ANKIB1: variants seen among roughly 807,000 people sequenced by gnomAD.
ANKIB1 encodes ankyrin repeat and IBR domain-containing protein 1.
ANKIB1 carries 43 observed loss-of-function variants against 122.1 expected under a neutral mutation model. That is an observed-to-expected ratio of 0.35 (90% CI 0.28 to 0.45). The LOEUF is 0.45. Among genes scored for constraint, ANKIB1 ranks in the 20% least tolerant of loss-of-function variants. The pLI, the probability that ANKIB1 is intolerant of heterozygous loss-of-function variation, is 1.00. For missense variants in ANKIB1, 992 were observed against 1,329.5 expected (o/e 0.75, Z 3.95); for synonymous variants, 390 against 442.0 (o/e 0.88, Z 1.48).
chr7:92,352,527 G>GA lies in ANKIB1; in HGVS notation c.1283dup (p.Asp428GlufsTer17). The GA allele has an allele frequency of 6.2e-7, 1 of 1,613,870 alleles. No individual in the cohort carries two copies. Among genetic ancestry groups the GA allele is most frequent in the Non-Finnish European group, 8.5e-7 (1 of 1,179,840 alleles). On this transcript the variant is annotated frameshift_variant, in exon 9 of 20. Transcript: ENST00000265742. LOFTEE classifies it high-confidence loss of function. ...TAAATGGTGTCCTACTCCAGGCTGT[G>GA]ACAGAGCAGTAAGACTAACGAAACA... is the stretch of plus-strand genomic sequence containing the variant.
chr7:92,293,103 C>G (rs1244073842), intron 1 of ANKIB1, among the ~76,000 whole-genome samples: 1 of 152,194 alleles, frequency 6.6e-6, no homozygotes, highest in Admixed American at 6.5e-5. Flanking sequence ...AGACATCTTA[C>G]TCTGATACTT....
Position 92,398,935 on chromosome 7 carries a change from G to A in ANKIB1, c.3256G>A (p.Val1086Ile). 6.3e-7 allele frequency: 1 copy of A among 1,578,606 alleles called. No homozygotes were observed. Among genetic ancestry groups the A allele is most frequent in the South Asian group, 1.2e-5 (1 of 83,528 alleles). Residue 1086 changes from valine (V) to isoleucine (I), a missense_variant, in exon 20 of 20, where the codon GTA becomes ATA. By Grantham distance (29) the Val-to-Ile change is conservative. Around this residue, in one of 4 missense-constraint regions of ANKIB1, gnomAD observed 384 missense variants for 412.0 expected, o/e 0.93. Coordinates refer to ENST00000265742, the MANE Select transcript of ANKIB1 (RefSeq NM_019004.2). ...PQTSSDWLEQ[V>I]HLV ...AACCTCAAGTGACTGGCTTGAACAA[G>A]TACATTTAGTGTGAACTGCACACAT... is the stretch of plus-strand genomic sequence containing the variant.
rs768309752 is a variant in ANKIB1 at position 92,256,314 on chromosome 7, A to G, written c.-91+9795A>G. On this transcript the variant is annotated intron_variant, in intron 1 of 19. Transcript: ENST00000265742. ...AGAAGGTTTTAAAATGGAATTGGAC[A>G]AGATCAGATTTGCCTTTTAATAAAG... Among the ~76,000 whole-genome samples the G allele has an allele frequency of 3.5e-4, 54 of 152,226 alleles. 1 individual carries two copies. Among genetic ancestry groups the G allele is most frequent in the Non-Finnish European group, 7.1e-4 (48 of 68,030 alleles).
At chr7:92,249,981 C>T (rs1801291830) in intron 1 of ANKIB1, among the ~76,000 whole-genome samples, 1 of 152,024 alleles carries the variant, frequency 6.6e-6, no homozygotes, top group East Asian at 1.9e-4. Context: ...AAAGATTTGA[C>T]TTACAGTCCT....
At chr7:92,383,223 A>G (rs977575604) in intron 11 of ANKIB1, among the ~76,000 whole-genome samples, 4 of 152,210 alleles carry the variant, frequency 2.6e-5, no homozygotes, top group African/African-American at 7.2e-5. Flanking sequence ...GACCAATAAT[A>G]GGCTCTGAAA....
chr7:92,343,226 C>T lies in ANKIB1; in HGVS notation c.990C>T (p.Thr330=). Reference sequence around the variant, plus strand: ...GCTTATCTCCTGGGGATTTAGACACCAGTTTGGTATGGTTTGGTATTCACT... The same window carrying T: ...GCTTATCTCCTGGGGATTTAGACACTAGTTTGGTATGGTTTGGTATTCACT... ...EISLSPGDLD[T]SLCDICMCSI... The change falls in exon 6 of 20, where the codon ACC becomes ACT. Residue 330 remains threonine (T), a synonymous_variant. Transcript: ENST00000265742. The T allele has an allele frequency of 6.2e-7, 1 of 1,613,260 alleles. No homozygotes were observed. Among genetic ancestry groups the T allele is most frequent in the Non-Finnish European group, 8.5e-7 (1 of 1,179,448 alleles).
intron 5 of ANKIB1, among the ~76,000 whole-genome samples, chr7:92,339,900 C>G (rs1803399849): frequency 7.9e-6 from 1 of 127,308 alleles, no homozygotes; most frequent in African/African-American, 2.9e-5. Flanking sequence ...CACCTTCTTC[C>G]TTTTCTTGAG....
chr7:92,364,086 T>A (rs936856745), intron 10 of ANKIB1, among the ~76,000 whole-genome samples: 1 of 151,924 alleles, frequency 6.6e-6, no homozygotes, highest in Non-Finnish European at 1.5e-5. Flanking sequence ...GGCAGGTGGA[T>A]CACTTGAGGT....
intron 11 of ANKIB1, among the ~76,000 whole-genome samples, chr7:92,374,644 A>G (rs1317282773): frequency 6.6e-6 from 1 of 152,192 alleles, no homozygotes; most frequent in Admixed American, 6.5e-5. Flanking sequence ...AGCTAAAGCA[A>G]TGCTGAGAAA....
At chr7:92,320,860 A>G (rs2055435751) in intron 4 of ANKIB1, among the ~76,000 whole-genome samples, 1 of 152,134 alleles carries the variant, frequency 6.6e-6, no homozygotes, top group Admixed American at 6.6e-5. Flanking sequence ...TGTACTTAGA[A>G]TAAAATCCAA....
chr7:92,311,134 A>G (rs1003622199), intron 3 of ANKIB1, among the ~76,000 whole-genome samples: 1 of 152,178 alleles, frequency 6.6e-6, no homozygotes, highest in African/African-American at 2.4e-5. Context: ...TAACATTTGT[A>G]TAATGCTTTC....
intron 1 of ANKIB1, among the ~76,000 whole-genome samples, chr7:92,284,275 G>A (rs1426876777): frequency 2.6e-5 from 4 of 152,102 alleles, no homozygotes; most frequent in Admixed American, 6.5e-5. Context: ...TGGGGAGTCA[G>A]GGCACATAAG....
At chr7:92,279,298 C>A (rs1021391485) in intron 1 of ANKIB1, among the ~76,000 whole-genome samples, 1 of 152,132 alleles carries the variant, frequency 6.6e-6, no homozygotes, top group Non-Finnish European at 1.5e-5. Context: ...TAAAGGGAGT[C>A]CAGAATCCAG....
At chr7:92,304,739 AT>A (rs1473177404) in intron 2 of ANKIB1, among the ~76,000 whole-genome samples, 1 of 152,158 alleles carries the variant, frequency 6.6e-6, no homozygotes, top group Non-Finnish European at 1.5e-5. Context: ...TATGGTTTTA[AT>A]TTTGGCTATC....
chr7:92,328,394 T>C (rs1259694874), intron 5 of ANKIB1, among the ~76,000 whole-genome samples: 2 of 152,190 alleles, frequency 1.3e-5, no homozygotes, highest in African/African-American at 4.8e-5. Flanking sequence ...CTTGGAAATA[T>C]ATTGTCCCTT....
At chr7:92,338,891 G>A (rs1418816178) in intron 5 of ANKIB1, among the ~76,000 whole-genome samples, 30 of 97,892 alleles carry the variant, frequency 3.1e-4, no homozygotes, top group Middle Eastern at 0.012. Context: ...CAGCCTGGGC[G>A]ACAGAGTGAG....
intron 1 of ANKIB1, among the ~76,000 whole-genome samples, chr7:92,279,861 AAAAC>A (rs1367395226): frequency 7.9e-5 from 12 of 152,296 alleles, no homozygotes; most frequent in South Asian, 2.1e-4. Flanking sequence ...ACCCACTCAA[AAAAC>A]AAACAAACAA....
At chr7:92,280,648 C>T (rs1273574572) in intron 1 of ANKIB1, among the ~76,000 whole-genome samples, 1 of 152,146 alleles carries the variant, frequency 6.6e-6, no homozygotes, top group Non-Finnish European at 1.5e-5. Context: ...AAGACATCAC[C>T]TTGGATGTAT....
chr7:92,391,688 G>A (rs180834951), intron 16 of ANKIB1, among the ~76,000 whole-genome samples: 22 of 152,148 alleles, frequency 1.4e-4, no homozygotes, highest in Non-Finnish European at 4.4e-5. Context: ...ATCTTACGAT[G>A]TAGAATTTGG....
Sources: gnomAD v4.1 joint callset for allele counts (sites outside exome capture counted in the v4.1 genomes callset) on GRCh38, gnomAD v4.1.1 for gene constraint, gnomAD v4.1.1 regional missense constraint, MANE v1.5 for transcripts, NCBI Gene and HGNC (gene_info 2026-07-23, HGNC 2026-07-21) for gene names.